FRMPD3: variants seen among roughly 807,000 people sequenced by gnomAD.
FRMPD3 encodes FERM and PDZ domain-containing protein 3.
FRMPD3 carries 42 observed loss-of-function variants against 97.9 expected under a neutral mutation model. The observed-to-expected ratio is 0.43, with a 90% CI of 0.34 to 0.55. The LOEUF is 0.55. Among genes scored for constraint, FRMPD3 ranks in the 20% least tolerant of loss-of-function variants. The pLI is 0.03. For synonymous variants in FRMPD3, 577 were observed against 581.1 expected, an observed-to-expected ratio of 0.99 and a Z score of 0.10; for missense variants, 1,303 against 1,457.7, an observed-to-expected ratio of 0.89 and a Z score of 1.73.
chrX:107,535,079 A>G (rs891207221), intron 4 of FRMPD3, among the ~76,000 whole-genome samples: 2 of 111,521 alleles, frequency 1.8e-5, no homozygotes, highest in Non-Finnish European at 3.8e-5. Flanking sequence ...TCCCACTAAA[A>G]CATGCTTGAT....
chrX:107,460,629 C>T (rs1406627123), intron 1 of FRMPD3, among the ~76,000 whole-genome samples: 3 of 111,238 alleles, frequency 2.7e-5, no homozygotes, highest in Admixed American at 9.5e-5. Flanking sequence ...TGAGCTCAAG[C>T]GATCCTACCA....
chrX:107,470,816 A>G (rs762825221), intron 1 of FRMPD3, among the ~76,000 whole-genome samples: 1 of 112,417 alleles, frequency 8.9e-6, no homozygotes, highest in African/African-American at 3.2e-5. Context: ...GCCAGCATAA[A>G]TAATTACTGG....
At chrX:107,469,951 T>G (rs756438578) in intron 1 of FRMPD3, among the ~76,000 whole-genome samples, 51 of 112,144 alleles carry the variant, frequency 4.5e-4, no homozygotes, top group Non-Finnish European at 8.1e-4. Context: ...ACTCACTGTA[T>G]GCAAAGTAAC....
chrX:107,600,080 G>GCA (rs1924419785), intron 14 of FRMPD3, among the ~76,000 whole-genome samples: 3 of 111,957 alleles, frequency 2.7e-5, no homozygotes, highest in Admixed American at 9.5e-5. Context: ...ATTGTGTGAG[G>GCA]TATTATAAGT....
chrX:107,515,503 G>A (rs1250918577), intron 1 of FRMPD3, among the ~76,000 whole-genome samples: 2 of 111,465 alleles, frequency 1.8e-5, no homozygotes, highest in Non-Finnish European at 3.8e-5. Context: ...CCAGGGGATA[G>A]TGGATTGGGG....
chrX:107,605,203 CTT>C lies in FRMPD3; in HGVS notation c.*1831_*1832del, dbSNP rs886849841. On this transcript the variant is annotated 3_prime_UTR_variant, in exon 15 of 15. Transcript: ENST00000683843. ...AAATTATATATATACTAATTTATGTCTTGTTTTTCAAACAAGAATGATTAAAT... is the reference window on the plus strand; with the variant it reads ...AAATTATATATATACTAATTTATGTCGTTTTTCAAACAAGAATGATTAAAT... 9.0e-6 allele frequency: 1 copy of C among 110,655 alleles called. No homozygotes were observed. Among genetic ancestry groups the C allele is most frequent in the Admixed American group, 9.7e-5 (1 of 10,306 alleles). The allele number at this position is 110,655 out of a possible 1,213,427, so 9.1% of individuals were successfully genotyped here. A position where few individuals can be genotyped will look rare whatever the true frequency, so the allele number is the denominator to read the frequency against.
chrX:107,465,131 G>A (rs531151034), intron 1 of FRMPD3, among the ~76,000 whole-genome samples: 1 of 111,369 alleles, frequency 9.0e-6, no homozygotes, highest in East Asian at 2.8e-4. Context: ...AATGATTCAG[G>A]AAGGACCTGA....
intron 1 of FRMPD3, among the ~76,000 whole-genome samples, chrX:107,510,275 C>G (rs1922133433): frequency 9.0e-6 from 1 of 111,033 alleles, no homozygotes; most frequent in African/African-American, 3.3e-5. Flanking sequence ...GCTTTTCTAC[C>G]TTAGTGAGTC....
At chrX:107,577,674 A>G (rs1235730506) in intron 13 of FRMPD3, among the ~76,000 whole-genome samples, 1 of 110,194 alleles carries the variant, frequency 9.1e-6, no homozygotes, top group Non-Finnish European at 1.9e-5. Flanking sequence ...AACAAACAGT[A>G]GTCAGATCAG....
At chrX:107,563,603 G>A (rs1334373019) in intron 11 of FRMPD3, among the ~76,000 whole-genome samples, 3 of 112,398 alleles carry the variant, frequency 2.7e-5, no homozygotes, top group Non-Finnish European at 5.6e-5. Flanking sequence ...TTATGGATAC[G>A]AAAATTTGAA....
At chrX:107,537,695 G>T (rs1041602314) in intron 4 of FRMPD3, among the ~76,000 whole-genome samples, 6 of 111,383 alleles carry the variant, frequency 5.4e-5, no homozygotes, top group African/African-American at 1.6e-4. Context: ...CAGTGTGAAA[G>T]AATCTCTCTG....
chrX:107,489,947 C>G (rs1159050394), intron 1 of FRMPD3, among the ~76,000 whole-genome samples: 1 of 111,925 alleles, frequency 8.9e-6, no homozygotes, highest in Non-Finnish European at 1.9e-5. Context: ...CCTAGGTTTT[C>G]TTCTAGGGTT....
intron 8 of FRMPD3, 124 bp downstream of exon 8, chrX:107,554,628 T>G (rs1310381606): frequency 1.3e-5 from 12 of 897,477 alleles, no homozygotes; most frequent in African/African-American, 2.0e-5. Context: ...GAAGGCCCTT[T>G]CCTTCCTTTT....
At chrX:107,540,527 G>A (rs1921245442) in intron 4 of FRMPD3, among the ~76,000 whole-genome samples, 1 of 111,942 alleles carries the variant, frequency 8.9e-6, no homozygotes, top group African/African-American at 3.2e-5. Flanking sequence ...CTGCACTGAG[G>A]GAAAGGCAGA....
chrX:107,473,180 G>T (rs1290275931), intron 1 of FRMPD3, among the ~76,000 whole-genome samples: 9 of 112,357 alleles, frequency 8.0e-5, no homozygotes. Flanking sequence ...CTAATAAGTG[G>T]CAGAGTTGGG....
At chrX:107,475,961 G>C (rs1921188487) in intron 1 of FRMPD3, among the ~76,000 whole-genome samples, 1 of 112,341 alleles carries the variant, frequency 8.9e-6, no homozygotes, top group African/African-American at 3.2e-5. Context: ...TCGGCTCACT[G>C]TAACCTCCGC....
At chrX:107,471,277 TTTCCTTCC>T (rs1289039950) in intron 1 of FRMPD3, among the ~76,000 whole-genome samples, 3 of 107,196 alleles carry the variant, frequency 2.8e-5, no homozygotes, top group Non-Finnish European at 3.9e-5. Flanking sequence ...TCCTTCCTTC[TTTCCTTCC>T]TTCCTTCCTT....
intron 1 of FRMPD3, among the ~76,000 whole-genome samples, chrX:107,519,330 TA>T (rs2147542003): frequency 9.0e-6 from 1 of 110,932 alleles, no homozygotes; most frequent in African/African-American, 3.3e-5. Context: ...ACCCCATTTC[TA>T]CAAAAAAATA....
At chrX:107,513,174 C>A (rs1275011371) in intron 1 of FRMPD3, 2 of 111,747 alleles carry the variant, frequency 1.8e-5, no homozygotes, top group Non-Finnish European at 3.8e-5. Context: ...CCCCTGCTCC[C>A]TCCTGACCTG....
Sources: allele counts gnomAD v4.1 joint callset (sites outside exome capture counted in the v4.1 genomes callset), GRCh38; gene constraint gnomAD v4.1.1; transcripts MANE v1.5; gene names NCBI Gene and HGNC (gene_info 2026-07-23, HGNC 2026-07-21).